Variants in DDX59 observed in about 807,000 individuals in gnomAD.
DDX59 encodes probable ATP-dependent RNA helicase DDX59.
A neutral mutation model predicts 51.9 loss-of-function variants in DDX59; 30 were observed. That is an observed-to-expected ratio of 0.58 (90% confidence interval 0.43 to 0.78). DDX59 has a LOEUF of 0.78. DDX59 is among the 30% of genes least tolerant of loss of function. The pLI is 0.00. For missense variants in DDX59, 672 were observed against 730.8 expected, an observed-to-expected ratio of 0.92 and a Z score of 0.93; for synonymous variants, 255 against 253.3, an observed-to-expected ratio of 1.01 and a Z score of -0.06.
At chr1:200,649,983 C>T (rs1661551479) in intron 5 of DDX59, among the ~76,000 whole-genome samples, 2 of 151,868 alleles carry the variant, frequency 1.3e-5, no homozygotes, top group African/African-American at 2.4e-5. Context: ...GCTGGGACTA[C>T]AGGCCTGTGC....
Position 200,648,503 on chromosome 1 carries a change from A to T in DDX59, c.1532T>A (p.Leu511Ter). 6.2e-7 allele frequency: 1 copy of T among 1,614,166 alleles called. No homozygotes were observed. Residue 511 changes from leucine (L) to a stop codon, truncating the protein, a stop_gained, in exon 7 of 8, where the codon TTG (leucine) becomes TAG (stop). Transcript: ENST00000331314. LOFTEE classifies it high-confidence loss of function. ...ATTGACAACCAGCCTGACACTGATC[A>T]AGTCTAGGCCTCGTCCCAAGACTCC... ...STGVLGRGLD[L>*]ISVRLVVNFD...
chr1:200,667,408 C>T (rs1662841573), intron 1 of DDX59, among the ~76,000 whole-genome samples: 1 of 152,154 alleles, frequency 6.6e-6, no homozygotes, highest in Admixed American at 6.5e-5. Flanking sequence ...GGGGTTATGC[C>T]TGAAAGGAAT....
intron 3 of DDX59, among the ~76,000 whole-genome samples, chr1:200,663,032 T>G (rs1307572056): frequency 6.6e-6 from 1 of 152,212 alleles, no homozygotes; most frequent in East Asian, 1.9e-4. Context: ...CAGATAAATC[T>G]GATTTGACCT....
chr1:200,650,348 C>A, intron 5 of DDX59, 77 bp downstream of exon 5: 1 of 1,435,608 alleles, frequency 7.0e-7, no homozygotes, highest in Non-Finnish European at 9.3e-7. Context: ...AAAGTTCAAT[C>A]TCAAAATCAT....
intron 2 of DDX59, among the ~76,000 whole-genome samples, chr1:200,665,542 T>A (rs949372349): frequency 6.6e-6 from 1 of 151,512 alleles, no homozygotes. Flanking sequence ...GTGTTCCAAC[T>A]TCAGTATAAA....
chr1:200,648,919 A>C (rs1194011507), intron 6 of DDX59, among the ~76,000 whole-genome samples, 155 bp downstream of exon 6: 1 of 152,230 alleles, frequency 6.6e-6, no homozygotes, highest in Admixed American at 6.5e-5. Flanking sequence ...AAGCCTGAGC[A>C]AGAGAACATT....
At chr1:200,649,640 A>AC (rs1399767519) in intron 5 of DDX59, among the ~76,000 whole-genome samples, 2 of 150,900 alleles carry the variant, frequency 1.3e-5, no homozygotes, top group African/African-American at 4.9e-5. Flanking sequence ...AAAAAAAAAA[A>AC]AAACACAAAA....
intron 4 of DDX59, among the ~76,000 whole-genome samples, chr1:200,652,323 T>C (rs535970545): frequency 3.9e-5 from 6 of 152,236 alleles, no homozygotes; most frequent in East Asian, 1.9e-4. Flanking sequence ...CAGCTCAGCA[T>C]TGTATTTTTA....
At chr1:200,649,322 G>T in intron 5 of DDX59, 96 bp from the exon 6 acceptor site, 1 of 1,212,112 alleles carries the variant, frequency 8.3e-7, no homozygotes, top group South Asian at 1.5e-5. Flanking sequence ...GTTATCAATA[G>T]ATTTATAAAT....
chr1:200,665,846 C>G (rs1662690535), intron 2 of DDX59, 91 bp downstream of exon 2: 1 of 1,370,994 alleles, frequency 7.3e-7, no homozygotes. Context: ...TAGTTTTAGT[C>G]TGCAATTTTA....
downstream of DDX59, among the ~76,000 whole-genome samples, chr1:200,641,728 T>G (rs1467576274): frequency 2.0e-4 from 28 of 141,308 alleles, no homozygotes; most frequent in Admixed American, 1.6e-3. Context: ...AATTAGGCTG[T>G]GTGTGGTGGC....
intron 7 of DDX59, among the ~76,000 whole-genome samples, chr1:200,646,502 C>T (rs1307943281): frequency 6.6e-6 from 1 of 152,102 alleles, no homozygotes; most frequent in Non-Finnish European, 1.5e-5. Context: ...TCAATAAGTA[C>T]ATGACATAAT....
rs566287069 is a variant in DDX59, at chr1:200,646,723, CTA to C, written c.1596+1714_1596+1715del. On this transcript the variant is annotated intron_variant, in intron 7 of 7. Transcript: ENST00000331314. ...CCTCAAAATGCTAAACACAGAGTTA[CTA>C]TATGACTCAGTAATTCTATTCATAG... Among the ~76,000 whole-genome samples, 159 of 152,294 alleles carry C rather than the reference CTA, an allele frequency of 1.0e-3. 3 individuals carry two copies. In the South Asian group the frequency reaches 0.032, roughly 30 times the overall value.
chr1:200,648,960 T>C, intron 6 of DDX59, 114 bp downstream of exon 6: 1 of 1,096,558 alleles, frequency 9.1e-7, no homozygotes. Context: ...TTTGATGGTC[T>C]TGTAGTCATT....
chr1:200,644,895 CAAAAAAA>C (rs60033922), intron 7 of DDX59, among the ~76,000 whole-genome samples: 10 of 80,982 alleles, frequency 1.2e-4, no homozygotes, highest in Non-Finnish European at 2.3e-4. Context: ...GACTCCATCT[CAAAAAAA>C]AAAAAAAAAA....
At chr1:200,650,304 A>T in intron 5 of DDX59, 121 bp downstream of exon 5, 5 of 1,106,566 alleles carry the variant, frequency 4.5e-6, no homozygotes, top group Non-Finnish European at 6.2e-6. Context: ...TAGGTAAAGC[A>T]ATTTATTAGT....
At chr1:200,668,921 C>T (rs1239297209) in intron 1 of DDX59, among the ~76,000 whole-genome samples, 1 of 152,122 alleles carries the variant, frequency 6.6e-6, no homozygotes, top group Non-Finnish European at 1.5e-5. Flanking sequence ...ATTGAGTTGC[C>T]CCGCCTTTCT....
chr1:200,642,918 CAACA>C (rs1384937504), downstream of DDX59, among the ~76,000 whole-genome samples: 3 of 152,070 alleles, frequency 2.0e-5, no homozygotes, highest in Admixed American at 6.6e-5. Flanking sequence ...TTAAGAAGGT[CAACA>C]GAGACCACGG....
At chr1:200,655,957 A>G (rs1661994304) in intron 4 of DDX59, among the ~76,000 whole-genome samples, 1 of 151,978 alleles carries the variant, frequency 6.6e-6, no homozygotes, top group South Asian at 2.1e-4. Flanking sequence ...CAGCCTCCTG[A>G]GTAGCTGGGA....
Sources: gnomAD v4.1 joint callset for allele counts (sites outside exome capture counted in the v4.1 genomes callset) on GRCh38, gnomAD v4.1.1 for gene constraint, MANE v1.5 for transcripts, NCBI Gene and HGNC (gene_info 2026-07-23, HGNC 2026-07-21) for gene names.